The following C15orf40 variants were observed in gnomAD, a reference collection of about 807,000 sequenced individuals.
C15orf40 encodes the protein chromosome 15 open reading frame 40.
C15orf40 carries 9 observed loss-of-function variants against 13.9 expected under a neutral mutation model. The ratio of observed to expected loss-of-function variants is 0.65; its 90% CI spans 0.39 to 1.13. The LOEUF (loss-of-function observed/expected upper bound fraction) is 1.13. C15orf40 is among the 50% of genes most tolerant of loss of function. C15orf40 has a pLI of 0.01. For missense variants in C15orf40, 225 were observed against 188.5 expected (o/e 1.19, Z -1.13); for synonymous variants, 95 against 69.2 (o/e 1.37, Z -1.85).
rs534471910 is a variant in C15orf40 at position 83,005,764 on chromosome 15, G to C, written c.367-72C>G. 3.4e-5 allele frequency: 51 copies of C among 1,517,876 alleles called. No homozygotes were observed. In the African/African-American group the frequency reaches 3.9e-4, roughly 12 times the overall value. 94.0% of individuals were successfully genotyped at this position (1,517,876 alleles called of 1,614,324 possible). A position where few individuals can be genotyped will look rare whatever the true frequency, so the allele number is the denominator to read the frequency against. ...ATGCTATTAGAGATAGCAGACCTCCGTTGTATAATGGGCTCTCCTGATGGC... is the reference window on the plus strand; with the variant it reads ...ATGCTATTAGAGATAGCAGACCTCCCTTGTATAATGGGCTCTCCTGATGGC... On this transcript the variant is annotated intron_variant, in intron 3 of 3. Coordinates refer to ENST00000304177, the MANE Select transcript of C15orf40 (RefSeq NM_144597.3).
Position 83,001,434 on chromosome 15 carries a change from G to A in C15orf40, c.*4163C>T. On this transcript the variant is annotated 3_prime_UTR_variant, in exon 4 of 4. Coordinates refer to ENST00000304177, the MANE Select transcript of C15orf40 (RefSeq NM_144597.3). The stretch of plus-strand genomic sequence containing the variant: ...AGAACATCATATGTCGGCATAGTTG[G>A]ATAAATATTTTTCAAACCTTATTCA... The A allele has an allele frequency of 2.4e-6, 1 of 412,614 alleles. No homozygotes were observed. The highest frequency in any genetic ancestry group is 1.2e-3 in the Middle Eastern group (1 of 824). The allele number at this position is 412,614 out of a possible 1,614,324, so 25.6% of individuals were successfully genotyped here.
rs1022385313 is a variant in C15orf40 at position 83,002,959 on chromosome 15, C to T, written c.*2638G>A. ...CCCGAGTAGCTGGGATTACAAGCAT[C>T]TGCCACTATGCCCAGGTAACTTTTG... On this transcript the variant is annotated 3_prime_UTR_variant, in exon 4 of 4. Coordinates refer to ENST00000304177, the MANE Select transcript of C15orf40 (RefSeq NM_144597.3). 4 of 151,456 alleles carry T rather than the reference C, an allele frequency of 2.6e-5. No homozygotes were observed. The highest frequency in any genetic ancestry group is 2.0e-4 in the Admixed American group (3 of 15,216). 9.4% of individuals were successfully genotyped at this position (151,456 alleles called of 1,614,324 possible). A position where few individuals can be genotyped will look rare whatever the true frequency, so the allele number is the denominator to read the frequency against.
At position 83,005,601 on chromosome 15, in the gene C15orf40, GT is replaced by G. The variant is rs751372654; in HGVS notation, c.457del (p.Thr153HisfsTer6). 5 of 1,607,892 alleles carry G rather than the reference GT, an allele frequency of 3.1e-6. No homozygotes were observed. The Admixed American group carries it at 5.0e-5, about 16-fold the overall frequency. ...GCCCGGCCTCATTTCTTGCTTTTAT[GT>G]TTTTTTGGCTTCCTTTTTTAATTTC... ...LEKLKKEAKK[T>X] On this transcript the variant is annotated frameshift_variant, in exon 4 of 4. Transcript: ENST00000304177. LOFTEE classifies it high-confidence loss of function.
downstream of C15orf40, chr15:82,990,541 T>A: frequency 1.1e-6 from 1 of 872,762 alleles, no homozygotes; most frequent in Non-Finnish European, 1.7e-6. Context: ...GTAAAACAAT[T>A]GCTTTTTTTT....
downstream of C15orf40, among the ~76,000 whole-genome samples, chr15:82,991,723 T>G (rs2030869346): frequency 6.6e-6 from 1 of 152,214 alleles, no homozygotes. Context: ...GGAAATGACC[T>G]AATAAGTCGG....
Position 83,005,033 on chromosome 15 carries a change from G to C in C15orf40, c.*564C>G, listed in dbSNP as rs1438700065. The C allele has an allele frequency of 8.2e-7, 1 of 1,224,092 alleles. No homozygotes were observed. Among genetic ancestry groups the C allele is most frequent in the Non-Finnish European group, 1.1e-6 (1 of 939,120 alleles). 75.8% of individuals were successfully genotyped at this position (1,224,092 alleles called of 1,614,324 possible). ...GAAAGGTGTTAAATCAGGTCATCTT[G>C]AATATTCTTCCCAGCTCTGTTATTT... On this transcript the variant is annotated 3_prime_UTR_variant, in exon 4 of 4. Transcript: ENST00000304177.
rs568558514 is a variant in C15orf40, at chr15:83,001,147, T to A, written c.*4450A>T. The A allele has an allele frequency of 2.0e-6, 2 of 985,460 alleles. No homozygotes were observed. The highest frequency in any genetic ancestry group is 2.3e-4 in the East Asian group (2 of 8,806). 61.0% of individuals were successfully genotyped at this position (985,460 alleles called of 1,614,324 possible). ...CTGCAAAGGTTCCACCTTCATCCTC[T>A]GGTTATTGCTGTCCCTCCCCTAACC... On this transcript the variant is annotated 3_prime_UTR_variant, in exon 4 of 4. Coordinates refer to ENST00000304177, the MANE Select transcript of C15orf40 (RefSeq NM_144597.3).
chr15:83,010,093 C>G (rs1242332582), intron 2 of C15orf40, 144 bp downstream of exon 2: 1 of 1,141,884 alleles, frequency 8.8e-7, no homozygotes, highest in Non-Finnish European at 1.2e-6. Flanking sequence ...ACATTAGAAT[C>G]TAGAATTTTA....
intron 2 of C15orf40, 35 bp from the exon 3 acceptor site, chr15:83,008,710 G>A: frequency 6.5e-7 from 1 of 1,546,094 alleles, no homozygotes; most frequent in Non-Finnish European, 8.7e-7. Flanking sequence ...TATCCTTAAG[G>A]AGTTCTTTTT....
In C15orf40 at chr15:83,004,809, C is replaced by G; in HGVS notation, c.*788G>C. On this transcript the variant is annotated 3_prime_UTR_variant, in exon 4 of 4. Coordinates refer to ENST00000304177, the MANE Select transcript of C15orf40 (RefSeq NM_144597.3). ...CAAAGCAGCATAACAGGTTTTCTGT[C>G]ACTTGTAAACTGGATTAGAAGGCAA... The G allele has an allele frequency of 1.6e-6, 2 of 1,215,158 alleles. No homozygotes were observed. Among genetic ancestry groups the G allele is most frequent in the South Asian group, 3.1e-5 (2 of 64,700 alleles). The allele number at this position is 1,215,158 out of a possible 1,614,324, so 75.3% of individuals were successfully genotyped here.
At position 82,996,936 on chromosome 15, in the gene C15orf40, T is replaced by C. The variant is rs186953222; in HGVS notation, c.*8661A>G. 2,902 of 150,772 alleles carry C rather than the reference T, an allele frequency of 0.019. 42 individuals are homozygous for C. Among genetic ancestry groups the C allele is most frequent in the Middle Eastern group, 0.03 (9 of 298 alleles). The allele number at this position is 150,772 out of a possible 1,614,324, so 9.3% of individuals were successfully genotyped here. On this transcript the variant is annotated 3_prime_UTR_variant, in exon 4 of 4. Coordinates refer to ENST00000304177, the MANE Select transcript of C15orf40 (RefSeq NM_144597.3). ...GGAAGGCTGAGGCAGGAGAATCGCT[T>C]GAACCTGGGAGGCGGAGGTTGCAGT...
In C15orf40 at chr15:83,005,529, C is replaced by T; in HGVS notation, c.*68G>A. The T allele has an allele frequency of 7.2e-7, 1 of 1,385,594 alleles. No homozygotes were observed. Among genetic ancestry groups the T allele is most frequent in the Non-Finnish European group, 9.7e-7 (1 of 1,026,040 alleles). The allele number at this position is 1,385,594 out of a possible 1,614,324, so 85.8% of individuals were successfully genotyped here. A position where few individuals can be genotyped will look rare whatever the true frequency, so the allele number is the denominator to read the frequency against. On this transcript the variant is annotated 3_prime_UTR_variant, in exon 4 of 4. Transcript: ENST00000304177. ...GAACTCCTGACCTCAGGTGATCCGC[C>T]CACCACGGCCTCCCAAAGTGCTGGG... is the stretch of plus-strand genomic sequence containing the variant.
Position 83,005,429 on chromosome 15 carries a change from C to T in C15orf40, c.*168G>A. 2 of 649,486 alleles carry T rather than the reference C, an allele frequency of 3.1e-6. No individual in the cohort carries two copies. The highest frequency in any genetic ancestry group is 2.2e-5 in the South Asian group (1 of 44,640). The allele number at this position is 649,486 out of a possible 1,614,324, so 40.2% of individuals were successfully genotyped here. A position where few individuals can be genotyped will look rare whatever the true frequency, so the allele number is the denominator to read the frequency against. On this transcript the variant is annotated 3_prime_UTR_variant, in exon 4 of 4. Transcript: ENST00000304177. ...CCTCCTGAGTAACTGGGATTACAGG[C>T]ATGCGCCATCACATCTGGCTAATTT...
At chr15:83,006,622 C>T (rs2031693660) in intron 3 of C15orf40, 2 of 213,904 alleles carry the variant, frequency 9.3e-6, no homozygotes, top group South Asian at 1.7e-4. Flanking sequence ...CGTGTTGGCG[C>T]GCGCCTCCAA....
In C15orf40 at chr15:82,997,223, T is replaced by TA. The variant is rs1370566762; in HGVS notation, c.*8373_*8374insT. ...TCATTTTTATTTATTTATTTTTATT[T>TA]TTTTTTAATTTATTTTTTTATTGAT... On this transcript the variant is annotated 3_prime_UTR_variant, in exon 4 of 4. Transcript: ENST00000304177. The TA allele has an allele frequency of 6.7e-6, 1 of 150,242 alleles. No homozygotes were observed. The highest frequency in any genetic ancestry group is 1.5e-5 in the Non-Finnish European group (1 of 67,784). 9.3% of individuals were successfully genotyped at this position (150,242 alleles called of 1,614,324 possible). A position where few individuals can be genotyped will look rare whatever the true frequency, so the allele number is the denominator to read the frequency against.
chr15:83,011,590 G>A lies in C15orf40; in HGVS notation c.18C>T (p.Ser6=), dbSNP rs771834003. MLRLR[S]GLRHLRATPN... is the part of the protein sequence containing the mutation. ...GTGTTGCCCGAAGGTGCCTCAGCCC[G>A]CTGCGGAGCCGCAGCATCCCCGCCT... Residue 6 remains serine (S), a synonymous_variant, in exon 1 of 4, where the codon AGC becomes AGT. Coordinates refer to ENST00000304177, the MANE Select transcript of C15orf40 (RefSeq NM_144597.3). 19 of 1,589,820 alleles carry A rather than the reference G, an allele frequency of 1.2e-5. No homozygotes were observed. The highest frequency in any genetic ancestry group is 9.1e-5 in the East Asian group (4 of 44,020).
Position 83,002,879 on chromosome 15 carries a change from C to T in C15orf40, c.*2718G>A, listed in dbSNP as rs1043642358. ...TTCGCAGTTGTGCGATCTTGGCTCA[C>T]TGCAACCTCTGCCTCCAGGGTCCCG... On this transcript the variant is annotated 3_prime_UTR_variant, in exon 4 of 4. Coordinates refer to ENST00000304177, the MANE Select transcript of C15orf40 (RefSeq NM_144597.3). 3.9e-5 allele frequency: 6 copies of T among 152,288 alleles called. No individual in the cohort carries two copies. Among genetic ancestry groups the T allele is most frequent in the African/African-American group, 1.2e-4 (5 of 41,464 alleles). 9.4% of individuals were successfully genotyped at this position (152,288 alleles called of 1,614,324 possible). A position where few individuals can be genotyped will look rare whatever the true frequency, so the allele number is the denominator to read the frequency against.
downstream of C15orf40, chr15:82,990,612 G>C (rs2030813374): frequency 6.8e-7 from 1 of 1,479,622 alleles, no homozygotes; most frequent in Non-Finnish European, 9.2e-7. Context: ...AGATGAGTCA[G>C]CTCCACACTT....
At chr15:83,006,345 A>C (rs779297776) in intron 3 of C15orf40, 5 of 944,692 alleles carry the variant, frequency 5.3e-6, no homozygotes, top group Non-Finnish European at 6.3e-6. Context: ...ACTTTGTAGT[A>C]AAATAATTAT....
Sources: gnomAD v4.1 joint callset for allele counts (sites outside exome capture counted in the v4.1 genomes callset) on GRCh38, gnomAD v4.1.1 for gene constraint, MANE v1.5 for transcripts, NCBI Gene and HGNC (gene_info 2026-07-23, HGNC 2026-07-21) for gene names.